ARHGAP15: variants seen among roughly 807,000 people sequenced by gnomAD.
ARHGAP15 encodes the protein rho GTPase-activating protein 15.
Under a neutral mutation model 63.7 loss-of-function variants are expected in ARHGAP15, and 51 were observed. The observed-to-expected ratio is 0.80, with a 90% CI of 0.64 to 1.01. ARHGAP15 has a LOEUF of 1.01. Ranked by LOEUF, ARHGAP15 falls within the 50% of genes least tolerant of loss-of-function variation. The pLI is 0.00. For missense variants in ARHGAP15, 560 were observed against 564.6 expected, an observed-to-expected ratio of 0.99 and a Z score of 0.08; for synonymous variants, 191 against 193.8, an observed-to-expected ratio of 0.99 and a Z score of 0.12.
At position 143,552,696 on chromosome 2, in the gene ARHGAP15, A is replaced by T. The variant is rs192854029; in HGVS notation, c.926-3712A>T. Among the ~76,000 whole-genome samples, 284 of 152,304 alleles carry T rather than the reference A, an allele frequency of 1.9e-3. 2 individuals are homozygous for T. Among genetic ancestry groups the T allele is most frequent in the African/African-American group, 6.8e-3 (282 of 41,574 alleles). Reference sequence around the variant, plus strand: ...GAACGAATAAACAATATTTCAGTGAATGTGGATTTCTTCAGATAATTTTTC... The same window carrying T: ...GAACGAATAAACAATATTTCAGTGATTGTGGATTTCTTCAGATAATTTTTC... On this transcript the variant is annotated intron_variant, in intron 10 of 13. Coordinates refer to ENST00000295095, the MANE Select transcript of ARHGAP15 (RefSeq NM_018460.4).
chr2:143,367,005 T>G (rs1438550172), intron 6 of ARHGAP15, among the ~76,000 whole-genome samples: 1 of 152,144 alleles, frequency 6.6e-6, no homozygotes, highest in Non-Finnish European at 1.5e-5. Context: ...CACTTGCAAT[T>G]GGCTCTAAAA....
At chr2:143,728,681 T>C (rs1685394605) in intron 13 of ARHGAP15, among the ~76,000 whole-genome samples, 1 of 152,174 alleles carries the variant, frequency 6.6e-6, no homozygotes, top group Admixed American at 6.5e-5. Context: ...CTTGCTAGAC[T>C]GGAAGGAAGC....
At chr2:143,681,013 A>C (rs113761614) in intron 12 of ARHGAP15, among the ~76,000 whole-genome samples, 20 of 152,344 alleles carry the variant, frequency 1.3e-4, no homozygotes, top group African/African-American at 4.6e-4. Flanking sequence ...ATCACCTTTC[A>C]GTGCAAAGAC....
chr2:143,241,150 G>GTA (rs2104947527), intron 5 of ARHGAP15, among the ~76,000 whole-genome samples: 1 of 152,188 alleles, frequency 6.6e-6, no homozygotes, highest in South Asian at 2.1e-4. Flanking sequence ...TAGAGTATAT[G>GTA]TATAGTCTTT....
chr2:143,142,489 C>A (rs1437012054), intron 1 of ARHGAP15, among the ~76,000 whole-genome samples: 1 of 152,126 alleles, frequency 6.6e-6, no homozygotes, highest in African/African-American at 2.4e-5. Context: ...CTCCCCAAAG[C>A]ATTTTTTTAA....
intron 2 of ARHGAP15, among the ~76,000 whole-genome samples, chr2:143,184,252 A>T (rs148044134): frequency 5.3e-4 from 81 of 152,352 alleles, no homozygotes; most frequent in African/African-American, 1.9e-3. Context: ...TTACTGTATA[A>T]TATGACCTCA....
At chr2:143,152,298 A>G (rs1200757866) in intron 1 of ARHGAP15, among the ~76,000 whole-genome samples, 3 of 151,966 alleles carry the variant, frequency 2.0e-5, no homozygotes, top group Non-Finnish European at 2.9e-5. Flanking sequence ...CTACCTTATA[A>G]TATCCCAGGT....
chr2:143,386,024 A>G (rs1687273241), intron 6 of ARHGAP15, among the ~76,000 whole-genome samples: 1 of 152,118 alleles, frequency 6.6e-6, no homozygotes, highest in Non-Finnish European at 1.5e-5. Flanking sequence ...TTTCATATTC[A>G]ACTCTAATCA....
intron 6 of ARHGAP15, among the ~76,000 whole-genome samples, chr2:143,389,805 A>G (rs912474231): frequency 2.0e-5 from 3 of 152,114 alleles, no homozygotes; most frequent in African/African-American, 7.2e-5. Context: ...TTATTTATGT[A>G]TGTAGAAGAC....
chr2:143,546,209 A>G (rs982817450), intron 10 of ARHGAP15, among the ~76,000 whole-genome samples: 1 of 152,190 alleles, frequency 6.6e-6, no homozygotes, highest in Admixed American at 6.6e-5. Context: ...AAAAAATCCA[A>G]TGGAAAACAA....
intron 6 of ARHGAP15, among the ~76,000 whole-genome samples, chr2:143,312,472 A>G (rs1683492826): frequency 6.6e-6 from 1 of 152,000 alleles, no homozygotes; most frequent in Non-Finnish European, 1.5e-5. Context: ...TTTTTTTCAA[A>G]GATAAAAAGA....
chr2:143,507,126 C>T (rs1693358847), intron 9 of ARHGAP15, among the ~76,000 whole-genome samples: 2 of 152,140 alleles, frequency 1.3e-5, no homozygotes, highest in Non-Finnish European at 2.9e-5. Flanking sequence ...TTTGTAGCTT[C>T]CTCTACTTAG....
intron 12 of ARHGAP15, among the ~76,000 whole-genome samples, chr2:143,642,692 G>T (rs1023154535): frequency 1.3e-4 from 20 of 152,132 alleles, no homozygotes; most frequent in Admixed American, 1.2e-3. Flanking sequence ...GCAGCACAAT[G>T]AATGATGAAG....
chr2:143,603,269 G>C (rs1000847697), intron 11 of ARHGAP15, among the ~76,000 whole-genome samples: 1 of 152,138 alleles, frequency 6.6e-6, no homozygotes, highest in African/African-American at 2.4e-5. Flanking sequence ...CTGGTGCAGA[G>C]AGTTACCTCA....
intron 11 of ARHGAP15, among the ~76,000 whole-genome samples, chr2:143,569,933 T>A (rs966951461): frequency 1.3e-5 from 2 of 152,114 alleles, no homozygotes; most frequent in East Asian, 3.9e-4. Flanking sequence ...GAGAGAAGAG[T>A]GGCCCAGGAG....
At chr2:143,201,213 A>T (rs890428244) in intron 2 of ARHGAP15, among the ~76,000 whole-genome samples, 4 of 150,894 alleles carry the variant, frequency 2.7e-5, no homozygotes, top group Non-Finnish European at 5.9e-5. Flanking sequence ...GGCTCAAGTG[A>T]TTCTCCCACT....
intron 8 of ARHGAP15, among the ~76,000 whole-genome samples, chr2:143,454,730 G>A (rs929822460): frequency 3.9e-5 from 6 of 151,952 alleles, no homozygotes; most frequent in Non-Finnish European, 5.9e-5. Context: ...TAATACAAGC[G>A]GATTAACTCA....
intron 12 of ARHGAP15, among the ~76,000 whole-genome samples, chr2:143,625,223 T>G (rs1428768469): frequency 6.6e-6 from 1 of 151,736 alleles, no homozygotes; most frequent in Non-Finnish European, 1.5e-5. Flanking sequence ...AAAAAAAAAC[T>G]GCTGTATTCA....
chr2:143,145,171 G>A (rs1428324102), intron 1 of ARHGAP15, among the ~76,000 whole-genome samples: 2 of 152,022 alleles, frequency 1.3e-5, no homozygotes, highest in Non-Finnish European at 2.9e-5. Context: ...TTACTCTCAG[G>A]TGAAACATTA....
Sources: gnomAD v4.1 joint callset for allele counts (sites outside exome capture counted in the v4.1 genomes callset) on GRCh38, gnomAD v4.1.1 for gene constraint, MANE v1.5 for transcripts, NCBI Gene and HGNC (gene_info 2026-07-23, HGNC 2026-07-21) for gene names.